CCDC85A: variants seen among roughly 807,000 people sequenced by gnomAD.
The protein encoded by CCDC85A is coiled-coil domain containing 85A, also known as coiled-coil domain-containing protein 85A.
A neutral mutation model predicts 50.2 loss-of-function variants in CCDC85A; 38 were observed. The observed-to-expected ratio is 0.76, with a 90% confidence interval of 0.58 to 0.99. The LOEUF (loss-of-function observed/expected upper bound fraction) is 0.99, where lower values mean the gene tolerates loss of function less well. Ranked by LOEUF, CCDC85A falls within the 50% of genes least tolerant of loss-of-function variation. The pLI, the probability that CCDC85A is intolerant of heterozygous loss-of-function variation, is 0.00. For missense variants in CCDC85A, 820 were observed against 742.0 expected (o/e 1.11, Z -1.22); for synonymous variants, 366 against 301.4 (o/e 1.21, Z -2.22).
chr2:56,234,385 G>T (rs1455666720), intron 2 of CCDC85A, among the ~76,000 whole-genome samples: 3 of 152,178 alleles, frequency 2.0e-5, no homozygotes, highest in African/African-American at 7.2e-5. Flanking sequence ...GTCCTGAGCA[G>T]AAACTCAGTG....
chr2:56,341,587 G>A (rs765407791), intron 2 of CCDC85A, among the ~76,000 whole-genome samples: 1 of 152,150 alleles, frequency 6.6e-6, no homozygotes, highest in African/African-American at 2.4e-5. Flanking sequence ...ATGAAGAAGA[G>A]TTACTATCAG....
Position 56,349,607 on chromosome 2 carries a change from G to A in CCDC85A, c.1317+6652G>A, listed in dbSNP as rs552265873. On this transcript the variant is annotated intron_variant, in intron 3 of 5. Transcript: ENST00000407595. Reference sequence around the variant, plus strand: ...TCCTCATATTTGAGGGTTCTTATTTGAGAACTTCTGATACATGATGATAAA... The same window carrying A: ...TCCTCATATTTGAGGGTTCTTATTTAAGAACTTCTGATACATGATGATAAA... Among the ~76,000 whole-genome samples the A allele has an allele frequency of 2.0e-5, 3 of 152,220 alleles. No homozygotes were observed. In the East Asian group the frequency reaches 5.8e-4, roughly 29 times the overall value.
intron 2 of CCDC85A, among the ~76,000 whole-genome samples, chr2:56,263,217 T>G (rs1464346931): frequency 6.6e-6 from 1 of 152,210 alleles, no homozygotes. Flanking sequence ...GTAGCCCTGA[T>G]GCATAAGGGG....
chr2:56,349,875 T>C (rs1255002681), intron 3 of CCDC85A, among the ~76,000 whole-genome samples: 1 of 152,136 alleles, frequency 6.6e-6, no homozygotes, highest in East Asian at 1.9e-4. Context: ...AAATGTAGCA[T>C]TATTGTTACC....
chr2:56,333,498 G>C lies in CCDC85A; in HGVS notation c.1241-9381G>C, dbSNP rs1032160057. On this transcript the variant is annotated intron_variant, in intron 2 of 5. Transcript: ENST00000407595. Reference sequence around the variant, plus strand: ...CCTGATGGACTTTTTAAGAACTTTGGCCTTAATTTGGAGCAAAATGGTGAG... The same window carrying C: ...CCTGATGGACTTTTTAAGAACTTTGCCCTTAATTTGGAGCAAAATGGTGAG... 4.6e-5 allele frequency among the ~76,000 whole-genome samples: 7 copies of C among 152,148 alleles called. No individual in the cohort carries two copies. In the East Asian group the frequency reaches 1.3e-3, roughly 29 times the overall value.
At position 56,184,470 on chromosome 2, in the gene CCDC85A, G is replaced by A. The variant is rs1400490351; in HGVS notation, c.-155G>A. ...TGGCGAGGTAGGATGGCCACCCAGC[G>A]CGACCCCCGCCGCCCCAACCCAGCG... On this transcript the variant is annotated 5_prime_UTR_variant, in exon 1 of 6. Coordinates refer to ENST00000407595, the MANE Select transcript of CCDC85A (RefSeq NM_001080433.2). 4 of 844,168 alleles carry A rather than the reference G, an allele frequency of 4.7e-6. No homozygotes were observed. Among genetic ancestry groups the A allele is most frequent in the South Asian group, 6.1e-5 (1 of 16,486 alleles). 52.3% of individuals were successfully genotyped at this position (844,168 alleles called of 1,614,324 possible).
intron 2 of CCDC85A, among the ~76,000 whole-genome samples, chr2:56,249,398 G>T (rs1669651082): frequency 6.6e-6 from 1 of 152,246 alleles, no homozygotes; most frequent in South Asian, 2.1e-4. Flanking sequence ...AGGCAGGGAA[G>T]CTGGTTTGAT....
intron 2 of CCDC85A, among the ~76,000 whole-genome samples, chr2:56,289,307 T>C (rs953952842): frequency 5.9e-5 from 9 of 152,220 alleles, no homozygotes; most frequent in Non-Finnish European, 1.0e-4. Flanking sequence ...GATATAGGCC[T>C]GGCAAATAAG....
chr2:56,353,882 C>A (rs886249396), intron 3 of CCDC85A, among the ~76,000 whole-genome samples: 3 of 152,092 alleles, frequency 2.0e-5, no homozygotes, highest in Non-Finnish European at 4.4e-5. Context: ...TATATACAGC[C>A]CAGCCACAAC....
At chr2:56,304,157 G>A (rs1051820151) in intron 2 of CCDC85A, among the ~76,000 whole-genome samples, 4 of 152,180 alleles carry the variant, frequency 2.6e-5, no homozygotes, top group African/African-American at 9.6e-5. Context: ...AATATGGCAT[G>A]TTAACTAAAA....
intron 2 of CCDC85A, among the ~76,000 whole-genome samples, chr2:56,263,111 A>T (rs953033291): frequency 2.0e-5 from 3 of 152,196 alleles, no homozygotes; most frequent in Admixed American, 2.0e-4. Flanking sequence ...AGTGTGTAAA[A>T]CGTGACCTTT....
chr2:56,288,831 G>A (rs1452427068), intron 2 of CCDC85A, among the ~76,000 whole-genome samples: 1 of 152,182 alleles, frequency 6.6e-6, no homozygotes, highest in African/African-American at 2.4e-5. Flanking sequence ...TTGAAAATGT[G>A]TAATTTGGTG....
At chr2:56,289,852 C>T (rs568099529) in intron 2 of CCDC85A, among the ~76,000 whole-genome samples, 15 of 149,842 alleles carry the variant, frequency 1.0e-4, no homozygotes, top group African/African-American at 3.0e-4. Flanking sequence ...TATAAGAACA[C>T]GCTGGCAGTA....
At position 56,303,255 on chromosome 2, in the gene CCDC85A, G is replaced by A. The variant is rs140366604; in HGVS notation, c.1241-39624G>A. On this transcript the variant is annotated intron_variant, in intron 2 of 5. Coordinates refer to ENST00000407595, the MANE Select transcript of CCDC85A (RefSeq NM_001080433.2). ...CTCTGTATCTCCCCAGTCATGGCAC[G>A]TAGTAAATAGTTATGTTGTAATATT... is the stretch of plus-strand genomic sequence containing the variant. Among the ~76,000 whole-genome samples, 423 of 152,202 alleles carry A rather than the reference G, an allele frequency of 2.8e-3. 1 individual carries two copies. The highest frequency in any genetic ancestry group is 9.7e-3 in the African/African-American group (402 of 41,538).
Position 56,200,934 on chromosome 2 carries a change from G to GT in CCDC85A, c.1240+7505dup, listed in dbSNP as rs553752902. Among the ~76,000 whole-genome samples the GT allele has an allele frequency of 5.8e-3, 845 of 146,664 alleles. 3 individuals are homozygous for GT. The highest frequency in any genetic ancestry group is 0.014 in the Middle Eastern group (4 of 286). ...GAAACTTCAGGAATTATATCCAATA[G>GT]TTTTTTTTTTTATTTAAAAATTTAT... On this transcript the variant is annotated intron_variant, in intron 2 of 5. Coordinates refer to ENST00000407595, the MANE Select transcript of CCDC85A (RefSeq NM_001080433.2).
chr2:56,383,994 G>A (rs1676712507), intron 5 of CCDC85A, among the ~76,000 whole-genome samples: 1 of 151,762 alleles, frequency 6.6e-6, no homozygotes, highest in Admixed American at 6.6e-5. Flanking sequence ...CAGAGTTGGG[G>A]ACCACTTACG....
intron 3 of CCDC85A, among the ~76,000 whole-genome samples, 163 bp from the exon 4 acceptor site, chr2:56,372,181 A>T (rs1174348520): frequency 6.6e-6 from 1 of 152,106 alleles, no homozygotes; most frequent in Admixed American, 6.6e-5. Context: ...AGGACTTCAG[A>T]TTGTTTTTAT....
intron 1 of CCDC85A, among the ~76,000 whole-genome samples, chr2:56,188,434 C>T (rs546126158): frequency 6.6e-6 from 1 of 152,308 alleles, no homozygotes; most frequent in East Asian, 1.9e-4. Context: ...GGCATTAGCT[C>T]CGTGAAGCCG....
At chr2:56,384,221 G>A in intron 5 of CCDC85A, 45 bp from the exon 6 acceptor site, 1 of 1,551,458 alleles carries the variant, frequency 6.4e-7, no homozygotes. Context: ...ATCTCCTTGT[G>A]AAAGAGGAAA....
Sources: allele counts gnomAD v4.1 joint callset (sites outside exome capture counted in the v4.1 genomes callset), GRCh38; gene constraint gnomAD v4.1.1; transcripts MANE v1.5; gene names NCBI Gene and HGNC (gene_info 2026-07-23, HGNC 2026-07-21).